HTRA1: variants seen among roughly 807,000 people sequenced by gnomAD.
The protein encoded by HTRA1 is serine protease HTRA1.
A neutral mutation model predicts 49.7 loss-of-function variants in HTRA1; 26 were observed. The ratio of observed to expected loss-of-function variants is 0.52; its 90% CI spans 0.38 to 0.73. The LOEUF is 0.73. HTRA1 is among the 30% of genes least tolerant of loss of function. The pLI is 0.00. For missense variants in HTRA1, 561 were observed against 667.2 expected (o/e 0.84, Z 1.75); for synonymous variants, 291 against 286.9 (o/e 1.01, Z -0.14).
rs1212353064 is a variant in HTRA1 at position 122,494,617 on chromosome 10, G to A, written c.777+4991G>A. 2.6e-5 allele frequency among the ~76,000 whole-genome samples: 4 copies of A among 152,154 alleles called. No individual in the cohort carries two copies. Among genetic ancestry groups the A allele is most frequent in the African/African-American group, 9.7e-5 (4 of 41,430 alleles). ...CGGCCTTGTTGAGGCTTGTGAGGTG[G>A]TTTTCCTCCCTCCCCTGTAGGCCTG... On this transcript the variant is annotated intron_variant, in intron 3 of 8. Coordinates refer to ENST00000368984, the MANE Select transcript of HTRA1 (RefSeq NM_002775.5). The surrounding 1 kb of genome is among the most constrained non-coding windows in gnomAD (Gnocchi z 4.0).
chr10:122,462,131 C>G lies in HTRA1; in HGVS notation c.472+7C>G, dbSNP rs1441319131. 6.5e-7 allele frequency: 1 copy of G among 1,528,826 alleles called. No individual in the cohort carries two copies. Among genetic ancestry groups the G allele is most frequent in the Admixed American group, 2.0e-5 (1 of 50,934 alleles). The allele number at this position is 1,528,826 out of a possible 1,614,324, so 94.7% of individuals were successfully genotyped here. A position where few individuals can be genotyped will look rare whatever the true frequency, so the allele number is the denominator to read the frequency against. On this transcript the variant is annotated splice_region_variant and intron_variant, in intron 1 of 8. Coordinates refer to ENST00000368984, the MANE Select transcript of HTRA1 (RefSeq NM_002775.5). The stretch of plus-strand genomic sequence containing the variant: ...CGCGGAGCCTGCGGCCAAGGTACTC[C>G]GCCGCGCTCCTGGGCAGCTCCCCAC...
intron 3 of HTRA1, among the ~76,000 whole-genome samples, chr10:122,492,518 G>C (rs1032857216): frequency 2.6e-5 from 4 of 152,076 alleles, no homozygotes; most frequent in Non-Finnish European, 4.4e-5. Flanking sequence ...ATTTTTAGTA[G>C]AGACCGGGTT....
chr10:122,504,121 G>A (rs746160368), intron 3 of HTRA1, among the ~76,000 whole-genome samples: 22 of 152,250 alleles, frequency 1.4e-4, no homozygotes, highest in Admixed American at 5.9e-4. Flanking sequence ...GGCCCTCCCC[G>A]GGAGCATGGG....
At position 122,514,853 on chromosome 10, in the gene HTRA1, A is replaced by C. The variant is rs1235831724; in HGVS notation, c.*494A>C. On this transcript the variant is annotated 3_prime_UTR_variant, in exon 9 of 9. Coordinates refer to ENST00000368984, the MANE Select transcript of HTRA1 (RefSeq NM_002775.5). ...TTGCCTCTTTTAGGAATCTCTTTGG[A>C]ATTGGGAGCACGATGACTCTGAGTT... 5.1e-6 allele frequency: 1 copy of C among 196,796 alleles called. No individual in the cohort carries two copies. The highest frequency in any genetic ancestry group is 1.1e-5 in the Non-Finnish European group (1 of 95,034). 12.2% of individuals were successfully genotyped at this position (196,796 alleles called of 1,614,324 possible). A position where few individuals can be genotyped will look rare whatever the true frequency, so the allele number is the denominator to read the frequency against.
At chr10:122,511,207 C>T (rs888598831) in intron 7 of HTRA1, among the ~76,000 whole-genome samples, 7 of 152,294 alleles carry the variant, frequency 4.6e-5, no homozygotes, top group Middle Eastern at 6.8e-3. Flanking sequence ...CTATGTATCA[C>T]ACGTACTGGG....
chr10:122,478,392 A>AT (rs34977432), intron 1 of HTRA1, among the ~76,000 whole-genome samples: 15,461 of 118,756 alleles, frequency 0.13, 1,574 homozygotes, highest in Non-Finnish European at 0.17. Flanking sequence ...AGTTTGACAG[A>AT]TTTTTTTTTT....
chr10:122,509,052 T>A (rs1367599061), intron 6 of HTRA1, among the ~76,000 whole-genome samples: 1 of 152,252 alleles, frequency 6.6e-6, no homozygotes, highest in African/African-American at 2.4e-5. Context: ...TCTTTATGTA[T>A]GTCACTTAAT....
At chr10:122,503,521 ACAT>A (rs2097501794) in intron 3 of HTRA1, among the ~76,000 whole-genome samples, 1 of 152,172 alleles carries the variant, frequency 6.6e-6, no homozygotes, top group Non-Finnish European at 1.5e-5. Flanking sequence ...TCTCTGCCAG[ACAT>A]CATTCCCTTG....
Position 122,514,449 on chromosome 10 carries a change from A to G in HTRA1, c.*90A>G. ...TCTGGGCTGCTGGAATAGGACACTCAAGACTTTTGACTGCCATTTTGTTTG... is the reference window on the plus strand; with the variant it reads ...TCTGGGCTGCTGGAATAGGACACTCGAGACTTTTGACTGCCATTTTGTTTG... On this transcript the variant is annotated 3_prime_UTR_variant, in exon 9 of 9. Transcript: ENST00000368984. 7.6e-7 allele frequency: 1 copy of G among 1,317,556 alleles called. No individual in the cohort carries two copies. Among genetic ancestry groups the G allele is most frequent in the Non-Finnish European group, 1.1e-6 (1 of 914,794 alleles). 81.6% of individuals were successfully genotyped at this position (1,317,556 alleles called of 1,614,324 possible). A position where few individuals can be genotyped will look rare whatever the true frequency, so the allele number is the denominator to read the frequency against.
chr10:122,480,976 C>T (rs759923033), intron 1 of HTRA1, among the ~76,000 whole-genome samples: 12 of 152,070 alleles, frequency 7.9e-5, no homozygotes, highest in Admixed American at 1.3e-4. Flanking sequence ...CTGAACACTC[C>T]GTCATCTTGA....
intron 8 of HTRA1, 54 bp from the exon 9 acceptor site, chr10:122,514,137 C>T: frequency 6.4e-7 from 1 of 1,557,238 alleles, no homozygotes; most frequent in East Asian, 2.2e-5. Context: ...TAAAGTCAGA[C>T]CAGGAGGAAT....
intron 3 of HTRA1, among the ~76,000 whole-genome samples, chr10:122,501,342 C>G (rs2097500777): frequency 6.6e-6 from 1 of 152,214 alleles, no homozygotes; most frequent in African/African-American, 2.4e-5. Context: ...AGCAGATTAG[C>G]AGACATCTCC....
intron 6 of HTRA1, among the ~76,000 whole-genome samples, chr10:122,509,591 G>A (rs2097504690): frequency 6.6e-6 from 1 of 152,238 alleles, no homozygotes; most frequent in African/African-American, 2.4e-5. Context: ...AGGCCGTGGT[G>A]AGGGACCTGG....
At chr10:122,508,475 G>T (rs906181302) in intron 5 of HTRA1, among the ~76,000 whole-genome samples, 181 bp from the exon 6 acceptor site, 2 of 152,262 alleles carry the variant, frequency 1.3e-5, no homozygotes, top group South Asian at 2.1e-4. Context: ...GCTGCGCGTG[G>T]CTCGCGCTGC....
chr10:122,469,654 C>G (rs1365293479), intron 1 of HTRA1, among the ~76,000 whole-genome samples: 1 of 152,190 alleles, frequency 6.6e-6, no homozygotes, highest in Non-Finnish European at 1.5e-5. Flanking sequence ...TTTGTTCTTA[C>G]CTTGTAGCCA....
intron 8 of HTRA1, among the ~76,000 whole-genome samples, chr10:122,512,927 C>A (rs2097506287): frequency 6.6e-6 from 1 of 152,064 alleles, no homozygotes; most frequent in Non-Finnish European, 1.5e-5. Context: ...AGCTTAGTTC[C>A]CACTTATGAG....
rs1386942484 is a variant in HTRA1 at position 122,508,645 on chromosome 10, T to C, written c.1006-11T>C. The stretch of plus-strand genomic sequence containing the variant: ...CACGATTCAGTAAGCCGTGTCCTTC[T>C]TGCTTTTCAGGACGGTGAAGTGATT... On this transcript the variant is annotated splice_polypyrimidine_tract_variant and intron_variant, in intron 5 of 8. Coordinates refer to ENST00000368984, the MANE Select transcript of HTRA1 (RefSeq NM_002775.5). 3 of 1,562,102 alleles carry C rather than the reference T, an allele frequency of 1.9e-6. No homozygotes were observed. Among genetic ancestry groups the C allele is most frequent in the Non-Finnish European group, 2.6e-6 (3 of 1,132,548 alleles).
At chr10:122,507,477 TG>T in intron 5 of HTRA1, 75 bp downstream of exon 5, 10 of 417,422 alleles carry the variant, frequency 2.4e-5, no homozygotes, top group Non-Finnish European at 3.9e-5. Context: ...GTTTGTTTGT[TG>T]TTTGTTTGTT....
At chr10:122,467,249 G>A (rs1224828899) in intron 1 of HTRA1, among the ~76,000 whole-genome samples, 1 of 152,216 alleles carries the variant, frequency 6.6e-6, no homozygotes, top group Non-Finnish European at 1.5e-5. Flanking sequence ...GGCAGTGGGT[G>A]AGGGTTCCTT....
Sources: allele counts gnomAD v4.1 joint callset (sites outside exome capture counted in the v4.1 genomes callset), GRCh38; gene constraint gnomAD v4.1.1; non-coding constraint Gnocchi (gnomAD v3.1); transcripts MANE v1.5; gene names NCBI Gene and HGNC (gene_info 2026-07-23, HGNC 2026-07-21).